The following SS18 variants were observed in gnomAD, a reference collection of about 807,000 sequenced individuals.
The protein encoded by SS18 is SS18 subunit of BAF chromatin remodeling complex, also known as protein SSXT.
Under a neutral mutation model 72.5 loss-of-function variants are expected in SS18, and 28 were observed. The observed-to-expected ratio is 0.39, with a 90% CI of 0.29 to 0.53. The LOEUF is 0.53. Among genes scored for constraint, SS18 ranks in the 20% least tolerant of loss-of-function variants. SS18 has a pLI of 0.76. For synonymous variants in SS18, 172 were observed against 164.2 expected, an observed-to-expected ratio of 1.05 and a Z score of -0.37; for missense variants, 518 against 535.3, an observed-to-expected ratio of 0.97 and a Z score of 0.32.
intron 2 of SS18, among the ~76,000 whole-genome samples, chr18:26,085,364 T>G (rs2054598704): frequency 1.3e-5 from 2 of 152,154 alleles, no homozygotes; most frequent in Admixed American, 1.3e-4. Flanking sequence ...GACACCACTT[T>G]TCAGCAACTG....
rs116495003 is a variant in SS18 at position 26,016,918 on chromosome 18, C to T, written c.*1436G>A. The T allele has an allele frequency of 5.3e-3, 1,187 of 225,150 alleles. 17 individuals are homozygous for T. Among genetic ancestry groups the T allele is most frequent in the African/African-American group, 0.025 (1,112 of 44,898 alleles). 13.9% of individuals were successfully genotyped at this position (225,150 alleles called of 1,614,324 possible). The stretch of plus-strand genomic sequence containing the variant: ...CCCTTCTGTTTTGTTTCCAGTTAGA[C>T]GTGGGAAAAACCAATTCAATTATAA... On this transcript the variant is annotated 3_prime_UTR_variant, in exon 11 of 11. Coordinates refer to ENST00000415083, the MANE Select transcript of SS18 (RefSeq NM_001007559.3).
intron 3 of SS18, among the ~76,000 whole-genome samples, chr18:26,059,734 CTT>C (rs1441289678): frequency 6.6e-6 from 1 of 152,186 alleles, no homozygotes; most frequent in African/African-American, 2.4e-5. Context: ...CAAAGGAAAA[CTT>C]AATTCTCTTT....
At chr18:26,071,655 C>G (rs2054311641) in intron 3 of SS18, among the ~76,000 whole-genome samples, 1 of 152,044 alleles carries the variant, frequency 6.6e-6, no homozygotes, top group Non-Finnish European at 1.5e-5. Flanking sequence ...ATATAAGACC[C>G]CATTTCTCCA....
At chr18:26,053,514 A>G (rs1234517165) in intron 4 of SS18, among the ~76,000 whole-genome samples, 1 of 151,398 alleles carries the variant, frequency 6.6e-6, no homozygotes, top group Non-Finnish European at 1.5e-5. Flanking sequence ...CACGACATAA[A>G]AAACTCAAAA....
intron 3 of SS18, among the ~76,000 whole-genome samples, chr18:26,062,018 T>C (rs2144046494): frequency 6.6e-6 from 1 of 152,288 alleles, no homozygotes. Flanking sequence ...CCTAGCACTT[T>C]GGAAGGCCGA....
At chr18:26,044,141 A>G (rs2053778081) in intron 5 of SS18, among the ~76,000 whole-genome samples, 1 of 152,198 alleles carries the variant, frequency 6.6e-6, no homozygotes, top group Non-Finnish European at 1.5e-5. Context: ...TTCACTTCAT[A>G]GAACTCAGAG....
chr18:26,024,257 G>C (rs1196631640), intron 10 of SS18, among the ~76,000 whole-genome samples: 1 of 152,216 alleles, frequency 6.6e-6, no homozygotes, highest in Non-Finnish European at 1.5e-5. Context: ...GGGGAATGAG[G>C]AGTGACTGCT....
chr18:26,052,278 A>T (rs139446788), intron 5 of SS18, among the ~76,000 whole-genome samples: 233 of 152,370 alleles, frequency 1.5e-3, no homozygotes, highest in African/African-American at 5.5e-3. Flanking sequence ...CATATAAATT[A>T]ATACATCCTT....
At chr18:26,028,454 C>T (rs2053488661) in intron 10 of SS18, among the ~76,000 whole-genome samples, 1 of 152,130 alleles carries the variant, frequency 6.6e-6, no homozygotes, top group Non-Finnish European at 1.5e-5. Context: ...CCAACCATTC[C>T]ACTCCTAGGT....
intron 3 of SS18, among the ~76,000 whole-genome samples, chr18:26,059,401 G>C (rs1461268097): frequency 6.6e-6 from 1 of 152,172 alleles, no homozygotes; most frequent in Admixed American, 6.5e-5. Context: ...GACTATCAAA[G>C]AGCTGGAAAC....
chr18:26,063,071 C>G (rs2054151964), intron 3 of SS18, among the ~76,000 whole-genome samples: 1 of 152,190 alleles, frequency 6.6e-6, no homozygotes, highest in South Asian at 2.1e-4. Context: ...ACACATTGTT[C>G]TCAAGTACTC....
intron 3 of SS18, among the ~76,000 whole-genome samples, chr18:26,075,198 T>C (rs1242897675): frequency 1.3e-5 from 2 of 151,744 alleles, no homozygotes; most frequent in African/African-American, 2.4e-5. Flanking sequence ...TAAGAAAAAG[T>C]AGAAAATTCT....
intron 10 of SS18, chr18:26,023,779 T>G (rs750289129): frequency 9.3e-5 from 36 of 385,464 alleles, no homozygotes; most frequent in Non-Finnish European, 1.4e-4. Context: ...CATAGTAATA[T>G]GAATCCATAC....
intron 10 of SS18, 104 bp downstream of exon 10, chr18:26,032,295 G>T: frequency 7.4e-7 from 1 of 1,349,288 alleles, no homozygotes; most frequent in Non-Finnish European, 1.0e-6. Flanking sequence ...ATTCCCTCAT[G>T]AGGGAAACAT....
intron 9 of SS18, among the ~76,000 whole-genome samples, chr18:26,034,768 A>T (rs1165857444): frequency 6.6e-6 from 1 of 152,134 alleles, no homozygotes; most frequent in Non-Finnish European, 1.5e-5. Flanking sequence ...TTGTCTTTTA[A>T]ATGACTCCAC....
intron 2 of SS18, 25 bp from the exon 3 acceptor site, chr18:26,078,185 T>A (rs1487713819): frequency 6.5e-7 from 1 of 1,544,398 alleles, no homozygotes; most frequent in East Asian, 2.3e-5. Context: ...CAAGTATCAG[T>A]ATTAAAAAAT....
rs1390623948 is a variant in SS18, at chr18:26,017,035, C to T, written c.*1319G>A. The T allele has an allele frequency of 9.0e-6, 2 of 223,268 alleles. No homozygotes were observed. The highest frequency in any genetic ancestry group is 6.5e-5 in the East Asian group (1 of 15,356). The allele number at this position is 223,268 out of a possible 1,614,324, so 13.8% of individuals were successfully genotyped here. On this transcript the variant is annotated 3_prime_UTR_variant, in exon 11 of 11. Transcript: ENST00000415083. ...TGTTTTCAGATTATGCTTAAATAAC[C>T]GTGGTTAGAAATTTTTCAATGCATG...
intron 10 of SS18, among the ~76,000 whole-genome samples, chr18:26,027,557 C>T (rs1434073623): frequency 3.3e-5 from 5 of 150,970 alleles, no homozygotes; most frequent in African/African-American, 9.7e-5. Context: ...CTGTAGTCCT[C>T]GTTACTCATG....
chr18:26,059,862 T>C (rs920130302), intron 3 of SS18, among the ~76,000 whole-genome samples: 6 of 152,180 alleles, frequency 3.9e-5, no homozygotes, highest in South Asian at 2.1e-4. Context: ...CCCACTTTGA[T>C]AGCTGCAATA....
Sources: allele counts gnomAD v4.1 joint callset (sites outside exome capture counted in the v4.1 genomes callset), GRCh38; gene constraint gnomAD v4.1.1; transcripts MANE v1.5; gene names NCBI Gene and HGNC (gene_info 2026-07-23, HGNC 2026-07-21).